The following ATXN10 variants were observed in gnomAD, a reference collection of about 807,000 sequenced individuals.
ATXN10 encodes the protein ataxin 10.
Under a neutral mutation model 52.9 loss-of-function variants are expected in ATXN10, and 28 were observed. The ratio of observed to expected loss-of-function variants is 0.53; its 90% CI spans 0.39 to 0.73. The LOEUF (loss-of-function observed/expected upper bound fraction) is 0.73, where lower values mean the gene tolerates loss of function less well. Among genes scored for constraint, ATXN10 ranks in the 30% least tolerant of loss-of-function variants. The pLI is 0.00. For synonymous variants in ATXN10, 226 were observed against 221.5 expected (o/e 1.02, Z -0.18); for missense variants, 565 against 577.0 (o/e 0.98, Z 0.21).
chr22:45,717,466 C>G (rs886834689), intron 5 of ATXN10, among the ~76,000 whole-genome samples: 7 of 152,058 alleles, frequency 4.6e-5, no homozygotes, highest in Admixed American at 4.6e-4. Flanking sequence ...ATTGACCTGC[C>G]CAGATTGATA....
At position 45,684,199 on chromosome 22, in the gene ATXN10, C is replaced by G. The variant is rs942483223; in HGVS notation, c.117-5513C>G. On this transcript the variant is annotated intron_variant, in intron 1 of 11. Coordinates refer to ENST00000252934, the MANE Select transcript of ATXN10 (RefSeq NM_013236.4). The surrounding 1 kb of genome is among the most constrained non-coding windows in gnomAD (Gnocchi z 4.1). ...TTAGGCAGGTCTTGAACTCTCCTGGCTTCTGCCTCTCAAAGCACTGGAATT... is the reference window on the plus strand; with the variant it reads ...TTAGGCAGGTCTTGAACTCTCCTGGGTTCTGCCTCTCAAAGCACTGGAATT... Among the ~76,000 whole-genome samples the G allele has an allele frequency of 2.7e-5, 4 of 150,290 alleles. No individual in the cohort carries two copies. Among genetic ancestry groups the G allele is most frequent in the African/African-American group, 9.8e-5 (4 of 40,768 alleles).
chr22:45,700,122 C>T (rs1207069668), intron 3 of ATXN10, among the ~76,000 whole-genome samples, 160 bp from the exon 4 acceptor site: 1 of 152,196 alleles, frequency 6.6e-6, no homozygotes, highest in African/African-American at 2.4e-5. Flanking sequence ...ATGGCATATT[C>T]ATGTTATTCC....
chr22:45,715,080 C>T lies in ATXN10; in HGVS notation c.648-3333C>T, dbSNP rs1479165796. Among the ~76,000 whole-genome samples, 6 of 152,168 alleles carry T rather than the reference C, an allele frequency of 3.9e-5. No individual in the cohort carries two copies. The highest frequency in any genetic ancestry group is 3.9e-4 in the Admixed American group (6 of 15,280). ...TCCAGCATGCAGAACTCAGTCCTTCCTTTACGATGTCTCAGTTCTACTATT... is the reference window on the plus strand; with the variant it reads ...TCCAGCATGCAGAACTCAGTCCTTCTTTTACGATGTCTCAGTTCTACTATT... On this transcript the variant is annotated intron_variant, in intron 5 of 11. Coordinates refer to ENST00000252934, the MANE Select transcript of ATXN10 (RefSeq NM_013236.4). The surrounding 1 kb of genome is among the most constrained non-coding windows in gnomAD (Gnocchi z 4.4).
rs1164609926 is a variant in ATXN10 at position 45,689,984 on chromosome 22, T to G, written c.308+81T>G. The G allele has an allele frequency of 2.0e-6, 3 of 1,488,272 alleles. No individual in the cohort carries two copies. The African/African-American group carries it at 4.1e-5, about 21-fold the overall frequency. 92.2% of individuals were successfully genotyped at this position (1,488,272 alleles called of 1,614,324 possible). ...GTCATTTGGTTTATCTGTTAGAAGT[T>G]GTTTTGGGCTGGGTAAGGTGGCTCA... On this transcript the variant is annotated intron_variant, in intron 2 of 11. Coordinates refer to ENST00000252934, the MANE Select transcript of ATXN10 (RefSeq NM_013236.4).
intron 5 of ATXN10, among the ~76,000 whole-genome samples, chr22:45,707,254 C>G (rs755587712): frequency 2.0e-5 from 3 of 152,192 alleles, no homozygotes; most frequent in African/African-American, 7.2e-5. Flanking sequence ...ATCCCACTTG[C>G]ATTCACAGGT....
At chr22:45,721,061 A>G (rs949862951) in intron 6 of ATXN10, among the ~76,000 whole-genome samples, 3 of 152,132 alleles carry the variant, frequency 2.0e-5, no homozygotes, top group African/African-American at 7.2e-5. Flanking sequence ...TTCTTGTGCT[A>G]GTTCTTTTCA....
At chr22:45,758,552 C>T (rs1926259299) in intron 9 of ATXN10, among the ~76,000 whole-genome samples, 1 of 152,208 alleles carries the variant, frequency 6.6e-6, no homozygotes, top group African/African-American at 2.4e-5. Flanking sequence ...ATGTGTTATT[C>T]TGCTAATCCA....
In ATXN10 at chr22:45,772,206, T is replaced by C. The variant is rs973132427; in HGVS notation, c.1173+31668T>C. Among the ~76,000 whole-genome samples, 2 of 152,370 alleles carry C rather than the reference T, an allele frequency of 1.3e-5. No individual in the cohort carries two copies. The highest frequency in any genetic ancestry group is 3.9e-4 in the East Asian group (2 of 5,188). ...TTCTTCCTAAAATTTTGTAGTTTTA[T>C]GTTTTGTGTTTAGATCTAGGATCCA... On this transcript the variant is annotated intron_variant, in intron 9 of 11. Coordinates refer to ENST00000252934, the MANE Select transcript of ATXN10 (RefSeq NM_013236.4). This position sits in a 1 kb window ranked among gnomAD's most constrained non-coding sequence, Gnocchi z 4.1.
Position 45,795,474 on chromosome 22 carries a change from G to A in ATXN10, c.1174-11485G>A, listed in dbSNP as rs554048302. 9.3e-5 allele frequency among the ~76,000 whole-genome samples: 14 copies of A among 151,248 alleles called. No homozygotes were observed. Among genetic ancestry groups the A allele is most frequent in the Non-Finnish European group, 1.8e-4 (12 of 67,892 alleles). On this transcript the variant is annotated intron_variant, in intron 9 of 11. Transcript: ENST00000252934. The surrounding 1 kb of genome is among the most constrained non-coding windows in gnomAD (Gnocchi z 4.6). ...TGCCCAGGCTGGAGTGCAGTGGCGC[G>A]ATCTCAGCTCACTGCAACCTCTGCC...
chr22:45,763,044 C>T lies in ATXN10; in HGVS notation c.1173+22506C>T, dbSNP rs541248237. Among the ~76,000 whole-genome samples the T allele has an allele frequency of 2.2e-4, 33 of 152,316 alleles. No individual in the cohort carries two copies. The highest frequency in any genetic ancestry group is 1.4e-3 in the East Asian group (7 of 5,182). Reference sequence around the variant, plus strand: ...CTTTGTAAAGCCATGGCCTCTCCTGCGCAAAGAACTGCGTGGTCCCTTTTC... The same window carrying T: ...CTTTGTAAAGCCATGGCCTCTCCTGTGCAAAGAACTGCGTGGTCCCTTTTC... On this transcript the variant is annotated intron_variant, in intron 9 of 11. Coordinates refer to ENST00000252934, the MANE Select transcript of ATXN10 (RefSeq NM_013236.4). This position sits in a 1 kb window ranked among gnomAD's most constrained non-coding sequence, Gnocchi z 6.9.
At chr22:45,745,638 T>G (rs1443631715) in intron 9 of ATXN10, among the ~76,000 whole-genome samples, 1 of 152,284 alleles carries the variant, frequency 6.6e-6, no homozygotes. Context: ...GGTTCATTTA[T>G]ATACATAAAA....
chr22:45,767,860 T>A (rs1781996534), intron 9 of ATXN10, among the ~76,000 whole-genome samples: 1 of 152,212 alleles, frequency 6.6e-6, no homozygotes, highest in African/African-American at 2.4e-5. Flanking sequence ...CTGCATTCTG[T>A]TAGTAGCAAC....
chr22:45,782,937 C>G (rs1927200456), intron 9 of ATXN10, among the ~76,000 whole-genome samples: 1 of 151,940 alleles, frequency 6.6e-6, no homozygotes. Flanking sequence ...AAGAGATTAA[C>G]AACGATAACT....
chr22:45,724,349 T>C (rs911728952), intron 6 of ATXN10, among the ~76,000 whole-genome samples: 2 of 152,182 alleles, frequency 1.3e-5, no homozygotes, highest in African/African-American at 4.8e-5. Flanking sequence ...TTTGACTTTT[T>C]AATAATGGCC....
In ATXN10 at chr22:45,677,991, G is replaced by A. The variant is rs1922769794; in HGVS notation, c.116+5812G>A. 6.6e-6 allele frequency: 1 copy of A among 152,132 alleles called. No homozygotes were observed. The highest frequency in any genetic ancestry group is 2.1e-4 in the South Asian group (1 of 4,826). The allele number at this position is 152,132 out of a possible 1,614,324, so 9.4% of individuals were successfully genotyped here. On this transcript the variant is annotated intron_variant, in intron 1 of 11. Coordinates refer to ENST00000252934, the MANE Select transcript of ATXN10 (RefSeq NM_013236.4). The surrounding 1 kb of genome is among the most constrained non-coding windows in gnomAD (Gnocchi z 4.1). ...AAGAAAATGAAAAAGGACAAATTCT[G>A]TATGATTCTGCTTTTATGAAGTACC... is the stretch of plus-strand genomic sequence containing the variant.
chr22:45,778,546 G>A (rs1304794752), intron 9 of ATXN10, among the ~76,000 whole-genome samples: 1 of 152,188 alleles, frequency 6.6e-6, no homozygotes, highest in Non-Finnish European at 1.5e-5. Flanking sequence ...GTTCAGAGTT[G>A]GAACCCTTAT....
intron 9 of ATXN10, among the ~76,000 whole-genome samples, chr22:45,776,948 A>G (rs1399230287): frequency 2.0e-5 from 3 of 152,232 alleles, no homozygotes. Context: ...TAATTTCTCA[A>G]TAAATGTATC....
intron 3 of ATXN10, among the ~76,000 whole-genome samples, chr22:45,693,801 C>T (rs1269026509): frequency 6.6e-6 from 1 of 152,090 alleles, no homozygotes; most frequent in African/African-American, 2.4e-5. Flanking sequence ...GAGTAGAGAC[C>T]ATGTGAAGAC....
chr22:45,832,131 C>T (rs564769703), intron 10 of ATXN10, among the ~76,000 whole-genome samples: 2 of 152,302 alleles, frequency 1.3e-5, no homozygotes, highest in South Asian at 2.1e-4. Context: ...CCACTCTCCA[C>T]GCAGCTGCCC....
Sources: allele counts gnomAD v4.1 joint callset (sites outside exome capture counted in the v4.1 genomes callset), GRCh38; gene constraint gnomAD v4.1.1; non-coding constraint Gnocchi (gnomAD v3.1); transcripts MANE v1.5; gene names NCBI Gene and HGNC (gene_info 2026-07-23, HGNC 2026-07-21).